Variants in DNAH17 observed in about 807,000 individuals in gnomAD.
The protein encoded by DNAH17 is dynein axonemal heavy chain 17.
A neutral mutation model predicts 485.6 loss-of-function variants in DNAH17; 376 were observed. That is an observed-to-expected ratio of 0.77 (90% CI 0.71 to 0.84). The LOEUF (loss-of-function observed/expected upper bound fraction) is 0.84. Among genes scored for constraint, DNAH17 ranks in the 40% least tolerant of loss-of-function variants. The probability of loss-of-function intolerance (pLI) is 0.00; values close to 1 mark genes in which losing one functional copy is unlikely to be tolerated. For synonymous variants in DNAH17, 3,031 were observed against 2,405.9 expected (o/e 1.26, Z -7.60); for missense variants, 6,370 against 5,839.3 (o/e 1.09, Z -2.96).
chr17:78,432,183 TAAATAAATAAATAAATAAATA>T (rs1383093501), intron 75 of DNAH17, among the ~76,000 whole-genome samples: 4 of 142,652 alleles, frequency 2.8e-5, no homozygotes, highest in Admixed American at 2.8e-4. Context: ...GTCTCAAAAA[TAAATAAATAAATAAATAAATA>T]AAATAAATAA....
intron 11 of DNAH17, among the ~76,000 whole-genome samples, chr17:78,562,198 C>T (rs578172261): frequency 4.0e-4 from 61 of 152,320 alleles, no homozygotes; most frequent in Non-Finnish European, 6.9e-4. Flanking sequence ...AAATACTTGG[C>T]TTATAATCCC....
chr17:78,471,892 C>T (rs2088769228), intron 54 of DNAH17, among the ~76,000 whole-genome samples: 1 of 152,178 alleles, frequency 6.6e-6, no homozygotes, highest in African/African-American at 2.4e-5. Context: ...CCCATGTGTC[C>T]CGCTGTGCGA....
chr17:78,485,791 A>G, intron 46 of DNAH17, 34 bp from the exon 47 acceptor site: 1 of 1,601,128 alleles, frequency 6.2e-7, no homozygotes, highest in Non-Finnish European at 8.5e-7. Flanking sequence ...GGGAGCTGTG[A>G]TTCTCAGACA....
At chr17:78,448,306 C>A (rs2087400039) in intron 69 of DNAH17, among the ~76,000 whole-genome samples, 1 of 151,534 alleles carries the variant, frequency 6.6e-6, no homozygotes, top group Non-Finnish European at 1.5e-5. Context: ...CAAGACCGGC[C>A]TGGGCAACAG....
At chr17:78,543,764 A>G in intron 17 of DNAH17, 93 bp downstream of exon 17, 1 of 1,574,966 alleles carries the variant, frequency 6.3e-7, no homozygotes, top group Non-Finnish European at 8.7e-7. Context: ...TGTGTCACTA[A>G]TCATTTTTAT....
intron 16 of DNAH17, among the ~76,000 whole-genome samples, chr17:78,545,924 G>T (rs918067762): frequency 6.6e-6 from 1 of 151,848 alleles, no homozygotes; most frequent in African/African-American, 2.4e-5. Flanking sequence ...TTATGTGTAT[G>T]TATGTATGCA....
At chr17:78,564,956 A>G (rs9635663) in intron 11 of DNAH17, among the ~76,000 whole-genome samples, 9,546 of 152,118 alleles carry the variant, frequency 0.063, 465 homozygotes, top group East Asian at 0.23. Flanking sequence ...ATGTTGCCAG[A>G]TTCTTTGCTT....
intron 14 of DNAH17, among the ~76,000 whole-genome samples, chr17:78,554,473 G>GAAAAAAAAT (rs1568246690): frequency 7.2e-5 from 9 of 124,750 alleles, no homozygotes; most frequent in Non-Finnish European, 1.1e-4. Flanking sequence ...AAAAAAAAAG[G>GAAAAAAAAT]ATAGGTTCTA....
At chr17:78,427,771 A>C (rs1006630012) in intron 77 of DNAH17, among the ~76,000 whole-genome samples, 1 of 152,166 alleles carries the variant, frequency 6.6e-6, no homozygotes, top group Non-Finnish European at 1.5e-5. Flanking sequence ...CAGGAGTTCA[A>C]AACCAGCCTG....
intron 35 of DNAH17, 175 bp downstream of exon 35, chr17:78,501,009 A>G (rs1197178405): frequency 2.1e-5 from 14 of 681,608 alleles, no homozygotes; most frequent in Admixed American, 7.0e-5. Context: ...AAGGCCACAC[A>G]GCCGGTGCTA....
chr17:78,434,334 G>A lies in DNAH17; in HGVS notation c.12034-114C>T, dbSNP rs562815196. On this transcript the variant is annotated intron_variant, in intron 74 of 80. Transcript: ENST00000389840. ...CCAGATGCTTTGCTAGGGTGGGGGC[G>A]GTGGGGGGTACAAAGCTGTGGGCTG... 7.6e-5 allele frequency: 74 copies of A among 971,566 alleles called. No individual in the cohort carries two copies. The East Asian group carries it at 8.5e-4, about 11-fold the overall frequency. The allele number at this position is 971,566 out of a possible 1,614,324, so 60.2% of individuals were successfully genotyped here. A position where few individuals can be genotyped will look rare whatever the true frequency, so the allele number is the denominator to read the frequency against.
chr17:78,571,895 G>A (rs917050353), intron 3 of DNAH17, 113 bp from the exon 4 acceptor site: 55 of 1,056,594 alleles, frequency 5.2e-5, no homozygotes, highest in African/African-American at 3.4e-4. Context: ...CAGCAGCACC[G>A]TCTGGTCTCA....
chr17:78,483,533 G>C (rs2089443790), intron 48 of DNAH17, among the ~76,000 whole-genome samples: 1 of 152,170 alleles, frequency 6.6e-6, no homozygotes. Context: ...GGGAGACTGA[G>C]GCAGGAGAAT....
rs751124114 is a variant in DNAH17 at position 78,469,847 on chromosome 17, A to G, written c.8512-964T>C. On this transcript the variant is annotated intron_variant, in intron 54 of 80. Coordinates refer to ENST00000389840, the MANE Select transcript of DNAH17 (RefSeq NM_173628.4). The stretch of plus-strand genomic sequence containing the variant: ...GAAAGGACAAATACCGTGTGATTCC[A>G]CTTACATGAGGTCCCTAAAGTAGTC... Among the ~76,000 whole-genome samples, 20 of 152,304 alleles carry G rather than the reference A, an allele frequency of 1.3e-4. 1 individual carries two copies. The highest frequency in any genetic ancestry group is 2.9e-5 in the Non-Finnish European group (2 of 68,032).
chr17:78,426,998 T>G lies in DNAH17; in HGVS notation c.12699A>C (p.Gln4233His). The change falls in exon 78 of 81, where the codon CAA becomes CAC. Residue 4233 changes from glutamine to histidine, a missense_variant. Gln to His is a conservative substitution (Grantham distance 24). Transcript: ENST00000389840. ...TCAGGATGTTCATTCTTTCACATTCTTGAAAGGCGACTACCACGTAGGGGG... is the reference window on the plus strand; with the variant it reads ...TCAGGATGTTCATTCTTTCACATTCGTGAAAGGCGACTACCACGTAGGGGG... ...EKTPYVVVAFQECERMNILTN... is the reference protein window; with the variant it reads ...EKTPYVVVAFHECERMNILTN... 6.2e-7 allele frequency: 1 copy of G among 1,610,548 alleles called. No homozygotes were observed. The highest frequency in any genetic ancestry group is 8.5e-7 in the Non-Finnish European group (1 of 1,178,506).
intron 21 of DNAH17, 52 bp downstream of exon 21, chr17:78,530,291 C>A: frequency 6.5e-7 from 1 of 1,530,882 alleles, no homozygotes; most frequent in East Asian, 2.3e-5. Flanking sequence ...AGGCCACTCC[C>A]TGGTGCTCTG....
Position 78,461,689 on chromosome 17 carries a change from T to C in DNAH17, c.9194A>G (p.Lys3065Arg), listed in dbSNP as rs145925129. ...GAGCTCAGCCTCCTGAATCGCCAAC[T>C]TGGCTTTCAAATCATCCACCTGGGG... ...TASQVDDLKA[K>R]LAIQEAELKQ... Residue 3065 changes from lysine (K) to arginine (R), a missense_variant, in exon 58 of 81, where the codon AAG becomes AGG. By Grantham distance (26) the Lys-to-Arg change is conservative. Transcript: ENST00000389840. 12 of 1,609,334 alleles carry C rather than the reference T, an allele frequency of 7.5e-6. No individual in the cohort carries two copies. The African/African-American group carries it at 8.0e-5, about 11-fold the overall frequency.
chr17:78,442,099 G>C (rs905179969), intron 71 of DNAH17, among the ~76,000 whole-genome samples: 2 of 149,300 alleles, frequency 1.3e-5, no homozygotes, highest in African/African-American at 5.0e-5. Context: ...AAAAAAATTA[G>C]TAAGATTTTA....
intron 54 of DNAH17, among the ~76,000 whole-genome samples, chr17:78,471,063 G>A (rs558273459): frequency 2.6e-5 from 4 of 152,234 alleles, no homozygotes; most frequent in South Asian, 4.1e-4. Flanking sequence ...GCGTTTTGGC[G>A]ATTTGCTTAT....
Sources: allele counts gnomAD v4.1 joint callset (sites outside exome capture counted in the v4.1 genomes callset), GRCh38; gene constraint gnomAD v4.1.1; transcripts MANE v1.5; gene names NCBI Gene and HGNC (gene_info 2026-07-23, HGNC 2026-07-21).